GLIS3: variants seen among roughly 807,000 people sequenced by gnomAD.
GLIS3 encodes zinc finger protein GLIS3.
A neutral mutation model predicts 78.6 loss-of-function variants in GLIS3; 53 were observed. That is an observed-to-expected ratio of 0.67 (90% CI 0.54 to 0.85). GLIS3 has a LOEUF of 0.85. Among genes scored for constraint, GLIS3 ranks in the 40% least tolerant of loss-of-function variants. GLIS3 has a pLI of 0.00. For missense variants in GLIS3, 1,703 were observed against 1,231.1 expected (o/e 1.38, Z -5.74); for synonymous variants, 684 against 509.9 (o/e 1.34, Z -4.60).
intron 2 of GLIS3, among the ~76,000 whole-genome samples, chr9:4,154,193 T>G (rs1301598873): frequency 6.6e-6 from 1 of 152,178 alleles, no homozygotes; most frequent in Non-Finnish European, 1.5e-5. Flanking sequence ...TTCTACTGTA[T>G]GTAATTGGCC....
chr9:4,260,626 G>T (rs1052658151), intron 2 of GLIS3, among the ~76,000 whole-genome samples: 9 of 150,484 alleles, frequency 6.0e-5, no homozygotes, highest in Non-Finnish European at 8.9e-5. Context: ...CATACCTGTA[G>T]TCCCAGCTAC....
the GLIS3 span, among the ~76,000 whole-genome samples, chr9:4,475,293 C>A: frequency 6.6e-6 from 1 of 152,132 alleles, no homozygotes; most frequent in Non-Finnish European, 1.5e-5. Context: ...TAAGAAGAGG[C>A]TGAACAGATG....
intron 2 of GLIS3, among the ~76,000 whole-genome samples, chr9:4,188,889 TTTTC>T (rs1194052869): frequency 8.5e-5 from 13 of 152,200 alleles, no homozygotes; most frequent in African/African-American, 7.2e-5. Context: ...TTCTCTCTTT[TTTTC>T]TTTATTAGTC....
intron 4 of GLIS3, among the ~76,000 whole-genome samples, chr9:4,092,519 A>G (rs767263490): frequency 1.3e-5 from 2 of 152,168 alleles, no homozygotes; most frequent in Non-Finnish European, 2.9e-5. Context: ...TCCTTATTGC[A>G]TAAGCTTTTA....
chr9:4,359,533 G>C, the GLIS3 span, among the ~76,000 whole-genome samples: 1 of 152,110 alleles, frequency 6.6e-6, no homozygotes, highest in Admixed American at 6.5e-5. Flanking sequence ...ATCTGCAGAG[G>C]AATAATAGCT....
the GLIS3 span, among the ~76,000 whole-genome samples, chr9:4,458,866 T>C: frequency 0.014 from 2,201 of 152,120 alleles, 53 homozygotes; most frequent in African/African-American, 0.05. Flanking sequence ...ATACAAAGAC[T>C]CTAAAGTGGG....
chr9:4,357,796 G>A, the GLIS3 span, among the ~76,000 whole-genome samples: 6 of 152,230 alleles, frequency 3.9e-5, no homozygotes, highest in Admixed American at 3.3e-4. Context: ...TGAATACAGG[G>A]ATCAGGGCCA....
chr9:4,338,054 G>GTGTGTGTC (rs1554659856), intron 2 of GLIS3, among the ~76,000 whole-genome samples: 99 of 150,146 alleles, frequency 6.6e-4, no homozygotes, highest in Non-Finnish European at 1.1e-3. Context: ...GTGTGTGTGT[G>GTGTGTGTC]TGTGTGTGTT....
intron 2 of GLIS3, among the ~76,000 whole-genome samples, chr9:4,163,098 T>G (rs943065468): frequency 6.6e-6 from 1 of 152,124 alleles, no homozygotes; most frequent in African/African-American, 2.4e-5. Context: ...TCACCTCCAC[T>G]AGAAAATAAA....
chr9:4,293,053 A>G (rs1816161451), intron 1 of GLIS3, among the ~76,000 whole-genome samples: 3 of 152,226 alleles, frequency 2.0e-5, no homozygotes, highest in Admixed American at 2.0e-4. Flanking sequence ...TTCTTTCAAG[A>G]AAAACAAACA....
intron 2 of GLIS3, among the ~76,000 whole-genome samples, chr9:4,339,261 T>C (rs1325093286): frequency 6.6e-6 from 1 of 152,186 alleles, no homozygotes; most frequent in Non-Finnish European, 1.5e-5. Context: ...ATTGATCTGT[T>C]GTTTTGTCAC....
chr9:4,139,754 G>A (rs918770355), intron 2 of GLIS3, among the ~76,000 whole-genome samples: 4 of 152,154 alleles, frequency 2.6e-5, no homozygotes, highest in South Asian at 2.1e-4. Context: ...TAAGGAGCAC[G>A]CAACCTAGAT....
chr9:4,457,570 A>G, the GLIS3 span, among the ~76,000 whole-genome samples: 1 of 151,988 alleles, frequency 6.6e-6, no homozygotes, highest in African/African-American at 2.4e-5. Flanking sequence ...GAGACTGGCC[A>G]GGCGTGGTGG....
chr9:4,353,616 G>T, the GLIS3 span, among the ~76,000 whole-genome samples: 1 of 152,084 alleles, frequency 6.6e-6, no homozygotes, highest in Admixed American at 6.6e-5. Context: ...CGGGTCCAAA[G>T]TCAAGAAGTT....
At chr9:3,964,026 C>G (rs1320711183) in intron 4 of GLIS3, among the ~76,000 whole-genome samples, 1 of 152,144 alleles carries the variant, frequency 6.6e-6, no homozygotes, top group Non-Finnish European at 1.5e-5. Flanking sequence ...AACTGCGTCC[C>G]CGCACACTAA....
intron 4 of GLIS3, among the ~76,000 whole-genome samples, chr9:4,008,716 G>A (rs1168857462): frequency 6.6e-6 from 1 of 152,142 alleles, no homozygotes; most frequent in Non-Finnish European, 1.5e-5. Flanking sequence ...AGAGCCACAG[G>A]CTGGGAATCT....
chr9:4,081,319 C>T (rs947759997), intron 4 of GLIS3: 2 of 152,214 alleles, frequency 1.3e-5, no homozygotes, highest in Non-Finnish European at 2.9e-5. Flanking sequence ...TTTACCCTGT[C>T]GCATATACTT....
At chr9:4,320,419 C>A (rs547758307) in intron 2 of GLIS3, among the ~76,000 whole-genome samples, 2 of 152,316 alleles carry the variant, frequency 1.3e-5, no homozygotes, top group East Asian at 1.9e-4. Flanking sequence ...TTACTTTCCC[C>A]TTCCTGACCC....
intron 4 of GLIS3, among the ~76,000 whole-genome samples, chr9:4,070,411 G>C (rs1417018722): frequency 2.0e-5 from 3 of 152,178 alleles, no homozygotes; most frequent in East Asian, 3.8e-4. Flanking sequence ...ATAAGGCTAT[G>C]TCCCTAGACA....
Sources: allele counts gnomAD v4.1 joint callset (sites outside exome capture counted in the v4.1 genomes callset), GRCh38; gene constraint gnomAD v4.1.1; transcripts MANE v1.5; gene names NCBI Gene and HGNC (gene_info 2026-07-23, HGNC 2026-07-21).